The following DAB1 variants were observed in gnomAD, a reference collection of about 807,000 sequenced individuals.
DAB1 encodes disabled homolog 1.
Under a neutral mutation model 64.6 loss-of-function variants are expected in DAB1, and 15 were observed. The ratio of observed to expected loss-of-function variants is 0.23; its 90% CI spans 0.16 to 0.36. The LOEUF (loss-of-function observed/expected upper bound fraction) is 0.36. DAB1 is among the 10% of genes least tolerant of loss of function. DAB1 has a pLI of 1.00. For synonymous variants in DAB1, 235 were observed against 251.9 expected (o/e 0.93, Z 0.64); for missense variants, 596 against 706.7 (o/e 0.84, Z 1.78).
chr1:58,434,047 C>T (rs1356337256), intron 3 of DAB1, among the ~76,000 whole-genome samples: 1 of 151,960 alleles, frequency 6.6e-6, no homozygotes, highest in African/African-American at 2.4e-5. Flanking sequence ...AGAGAGGTGA[C>T]ATCAAAAAGA....
At chr1:58,386,285 T>C (rs561526365) in intron 3 of DAB1, among the ~76,000 whole-genome samples, 2 of 152,248 alleles carry the variant, frequency 1.3e-5, no homozygotes, top group South Asian at 2.1e-4. Flanking sequence ...TGCTTGTGCA[T>C]AGGGAAAATG....
intron 7 of DAB1, among the ~76,000 whole-genome samples, chr1:57,549,725 G>A (rs1020456378): frequency 6.6e-6 from 1 of 152,182 alleles, no homozygotes; most frequent in South Asian, 2.1e-4. Context: ...CCTTATTCAG[G>A]TCAGCATGAA....
chr1:57,908,308 G>A (rs111751510), intron 5 of DAB1, among the ~76,000 whole-genome samples: 3,871 of 152,062 alleles, frequency 0.025, 149 homozygotes, highest in African/African-American at 0.083. Context: ...ACTCATCCTT[G>A]TGCCCATACA....
At chr1:57,886,452 G>A (rs1440177921), upstream of DAB1, among the ~76,000 whole-genome samples, 5 of 152,094 alleles carry the variant, frequency 3.3e-5, no homozygotes, top group East Asian at 1.9e-4. Context: ...CACTGCACCC[G>A]GCATATTCTG....
intron 3 of DAB1, among the ~76,000 whole-genome samples, chr1:58,499,635 G>A (rs74478635): frequency 0.025 from 3,878 of 152,224 alleles, 80 homozygotes; most frequent in Middle Eastern, 0.041. Context: ...AAATTGCTAA[G>A]AGAATAGATT....
In DAB1 at chr1:57,144,877, T is replaced by C. The variant is rs575624555; in HGVS notation, c.207+413A>G. On this transcript the variant is annotated intron_variant, in intron 3 of 14. Transcript: ENST00000371236. Reference sequence around the variant, plus strand: ...GGTACATTTGTAGAAACTGTAAGAATGAATAAAATCAACTTTTATCTTAAC... The same window carrying C: ...GGTACATTTGTAGAAACTGTAAGAACGAATAAAATCAACTTTTATCTTAAC... 5.3e-5 allele frequency among the ~76,000 whole-genome samples: 8 copies of C among 152,238 alleles called. No homozygotes were observed. The South Asian group carries it at 1.0e-3, about 20-fold the overall frequency.
At chr1:57,893,432 CAATT>C (rs758218132) in intron 5 of DAB1, among the ~76,000 whole-genome samples, 3 of 152,102 alleles carry the variant, frequency 2.0e-5, no homozygotes, top group African/African-American at 2.4e-5. Context: ...GCAACTCAAT[CAATT>C]GTCAGTGTAC....
chr1:58,268,908 A>G (rs1661239886), intron 4 of DAB1, among the ~76,000 whole-genome samples: 1 of 152,190 alleles, frequency 6.6e-6, no homozygotes. Context: ...TGCCTGAGAG[A>G]CAGATATATA....
chr1:57,446,268 C>T (rs1376074435), intron 7 of DAB1, among the ~76,000 whole-genome samples: 1 of 152,140 alleles, frequency 6.6e-6, no homozygotes, highest in Non-Finnish European at 1.5e-5. Context: ...ATGATGATTG[C>T]TAGAATTTGG....
At chr1:57,221,405 T>A (rs197620) in intron 2 of DAB1, among the ~76,000 whole-genome samples, 39,148 of 147,004 alleles carry the variant, frequency 0.27, 5,625 homozygotes, top group East Asian at 0.52. Flanking sequence ...ATAATAATTT[T>A]AAAAAAGGCT....
At chr1:58,079,646 G>C (rs61260652) in intron 5 of DAB1, among the ~76,000 whole-genome samples, 1 of 146,050 alleles carries the variant, frequency 6.8e-6, no homozygotes, top group African/African-American at 2.5e-5. Flanking sequence ...TCAGCCTCCC[G>C]AGTAGCTGGG....
intron 1 of DAB1, among the ~76,000 whole-genome samples, chr1:57,359,677 G>A (rs2113454): frequency 0.42 from 64,116 of 151,788 alleles, 14,048 homozygotes; most frequent in African/African-American, 0.47. Context: ...GCCAAGATAC[G>A]GAGACAACCT....
At chr1:58,477,663 A>T (rs1430004594) in intron 3 of DAB1, among the ~76,000 whole-genome samples, 2 of 152,198 alleles carry the variant, frequency 1.3e-5, no homozygotes, top group African/African-American at 2.4e-5. Flanking sequence ...GAAAGCATGC[A>T]ACCCTGGGAG....
chr1:57,404,997 T>A (rs1001231271), intron 1 of DAB1, among the ~76,000 whole-genome samples: 4 of 152,350 alleles, frequency 2.6e-5, no homozygotes, highest in South Asian at 2.1e-4. Context: ...AAGTTGCTCA[T>A]GTTCTCGCTC....
chr1:57,588,555 C>T (rs1404006899), intron 7 of DAB1, among the ~76,000 whole-genome samples: 3 of 152,108 alleles, frequency 2.0e-5, no homozygotes, highest in Non-Finnish European at 4.4e-5. Context: ...AAAAGTGAGT[C>T]CTCTCCTTAT....
intron 4 of DAB1, among the ~76,000 whole-genome samples, chr1:58,316,947 T>C (rs1313480005): frequency 6.6e-6 from 1 of 152,250 alleles, no homozygotes; most frequent in Non-Finnish European, 1.5e-5. Flanking sequence ...TTCCAAGCAC[T>C]GTTCTAAGTA....
chr1:57,584,429 A>G (rs1181325764), intron 7 of DAB1, among the ~76,000 whole-genome samples: 1 of 152,188 alleles, frequency 6.6e-6, no homozygotes, highest in Admixed American at 6.5e-5. Flanking sequence ...GTCTGCTAAG[A>G]TGCAGCAGAT....
chr1:58,158,127 C>A (rs1655316415), intron 4 of DAB1, among the ~76,000 whole-genome samples: 1 of 152,124 alleles, frequency 6.6e-6, no homozygotes, highest in Non-Finnish European at 1.5e-5. Context: ...TTTACTTATT[C>A]TCTTCATTTG....
chr1:58,456,936 A>C (rs1345565584), intron 3 of DAB1, among the ~76,000 whole-genome samples: 1 of 152,166 alleles, frequency 6.6e-6, no homozygotes, highest in Admixed American at 6.5e-5. Flanking sequence ...TTTAATTCTT[A>C]CAGCATCCCT....
Sources: allele counts gnomAD v4.1 joint callset (sites outside exome capture counted in the v4.1 genomes callset), GRCh38; gene constraint gnomAD v4.1.1; transcripts MANE v1.5; gene names NCBI Gene and HGNC (gene_info 2026-07-23, HGNC 2026-07-21).